The following RGS3 variants were observed in gnomAD, a reference collection of about 807,000 sequenced individuals.
The protein encoded by RGS3 is regulator of G protein signaling 3, also known as regulator of G-protein signalling 3.
In RGS3, 80 loss-of-function variants were observed where a neutral mutation model predicts 132.6. The observed-to-expected ratio is 0.60, with a 90% confidence interval of 0.50 to 0.73. The LOEUF is 0.73. Ranked by LOEUF, RGS3 falls within the 30% of genes least tolerant of loss-of-function variation. RGS3 has a pLI of 0.00. For missense variants in RGS3, 1,382 were observed against 1,530.8 expected (o/e 0.90, Z 1.62); for synonymous variants, 598 against 620.6 (o/e 0.96, Z 0.54).
chr9:113,493,994 C>A (rs1223270479), intron 7 of RGS3, among the ~76,000 whole-genome samples: 2 of 152,090 alleles, frequency 1.3e-5, no homozygotes, highest in Non-Finnish European at 2.9e-5. Flanking sequence ...CTATGTGGGT[C>A]CTTCAGCTAT....
intron 5 of RGS3, among the ~76,000 whole-genome samples, chr9:113,483,774 C>T (rs1003500371): frequency 6.6e-6 from 1 of 152,160 alleles, no homozygotes; most frequent in Non-Finnish European, 1.5e-5. Context: ...CTGGAGCCTT[C>T]GTGAAGGGAG....
At chr9:113,562,246 C>T (rs528957410) in intron 19 of RGS3, among the ~76,000 whole-genome samples, 10 of 152,254 alleles carry the variant, frequency 6.6e-5, no homozygotes, top group East Asian at 3.9e-4. Context: ...GAGGCTGAGA[C>T]GGGCAGATTG....
At chr9:113,556,546 G>T (rs1034050206) in intron 19 of RGS3, among the ~76,000 whole-genome samples, 4 of 152,118 alleles carry the variant, frequency 2.6e-5, no homozygotes. Flanking sequence ...ATACAAGGTC[G>T]CATAATTAGG....
At chr9:113,563,742 G>A (rs569162841) in intron 19 of RGS3, among the ~76,000 whole-genome samples, 2 of 152,188 alleles carry the variant, frequency 1.3e-5, no homozygotes, top group African/African-American at 4.8e-5. Context: ...ATTCTGAGTC[G>A]ACCCGATAAA....
At chr9:113,529,428 G>A in intron 18 of RGS3, among the ~76,000 whole-genome samples, 164 bp downstream of exon 16, 1 of 152,116 alleles carries the variant, frequency 6.6e-6, no homozygotes, top group East Asian at 1.9e-4. Flanking sequence ...AGGTAGAATG[G>A]GACTAGCCAT....
rs1039021031 is a variant in RGS3 at position 113,586,170 on chromosome 9, C to A, written c.3015+1743C>A. Among the ~76,000 whole-genome samples, 5 of 152,200 alleles carry A rather than the reference C, an allele frequency of 3.3e-5. 1 individual carries two copies. The highest frequency in any genetic ancestry group is 1.2e-4 in the African/African-American group (5 of 41,446). Reference sequence around the variant, plus strand: ...CTTGATGGTTTCTACAGGAGAGAGTCCGGAACGCTGTCCTTCCAAGGCAAG... The same window carrying A: ...CTTGATGGTTTCTACAGGAGAGAGTACGGAACGCTGTCCTTCCAAGGCAAG... On this transcript the variant is annotated intron_variant, in intron 20 of 24. Transcript: ENST00000350696.
chr9:113,595,285 C>T (rs939377988), intron 23 of RGS3, among the ~76,000 whole-genome samples: 3 of 152,212 alleles, frequency 2.0e-5, no homozygotes, highest in South Asian at 2.1e-4. Context: ...AGGGCTTTCA[C>T]GGCGCCAAAT....
chr9:113,494,847 C>T (rs1263690933), intron 7 of RGS3, among the ~76,000 whole-genome samples: 1 of 152,074 alleles, frequency 6.6e-6, no homozygotes, highest in Admixed American at 6.5e-5. Context: ...GGTGGACATT[C>T]TTCAGGAACT....
chr9:113,552,248 A>G (rs1313961036), intron 19 of RGS3, among the ~76,000 whole-genome samples: 1 of 152,140 alleles, frequency 6.6e-6, no homozygotes, highest in African/African-American at 2.4e-5. Context: ...CTTATGCATT[A>G]TATTAGGACA....
chr9:113,499,225 T>TG (rs1830787528), intron 10 of RGS3, among the ~76,000 whole-genome samples: 1 of 67,506 alleles, frequency 1.5e-5, no homozygotes, highest in African/African-American at 5.9e-5. Flanking sequence ...AGATTCCATC[T>TG]CAAAAAAAAA....
At chr9:113,584,183 G>A in exon 20 of RGS3, 1 of 1,614,226 alleles carries the variant, frequency 6.2e-7, no homozygotes, top group Non-Finnish European at 8.5e-7. Flanking sequence ...ACGGGCCAGG[G>A]GGCTGAGGGT....
chr9:113,550,542 G>C (rs756894031), intron 19 of RGS3, among the ~76,000 whole-genome samples: 8 of 152,108 alleles, frequency 5.3e-5, no homozygotes, highest in Non-Finnish European at 1.0e-4. Flanking sequence ...GAATTGACTA[G>C]CTCATCCTAC....
At chr9:113,525,071 T>C (rs7042968) in intron 17 of RGS3, among the ~76,000 whole-genome samples, 24,124 of 152,056 alleles carry the variant, frequency 0.16, 2,051 homozygotes, top group African/African-American at 0.2. Context: ...GCCAAGGCAG[T>C]ACTTCTCAGG....
At chr9:113,494,567 G>A (rs1424552957) in intron 7 of RGS3, among the ~76,000 whole-genome samples, 1 of 152,218 alleles carries the variant, frequency 6.6e-6, no homozygotes, top group East Asian at 1.9e-4. Flanking sequence ...GTTCACTGCA[G>A]CTTTGACCTC....
intron 18 of RGS3, among the ~76,000 whole-genome samples, chr9:113,532,977 T>G (rs1284778244): frequency 6.6e-6 from 1 of 152,190 alleles, no homozygotes; most frequent in Non-Finnish European, 1.5e-5. Context: ...GAGGGAGCAT[T>G]CCTGCCAGCC....
At chr9:113,499,376 G>A (rs551244292) in intron 10 of RGS3, among the ~76,000 whole-genome samples, 5 of 152,348 alleles carry the variant, frequency 3.3e-5, no homozygotes, top group Admixed American at 3.3e-4. Flanking sequence ...ATGGTTCAGA[G>A]CATTAGGCCC....
chr9:113,569,578 T>TTCC (rs1834175430), intron 19 of RGS3, among the ~76,000 whole-genome samples: 1 of 88,912 alleles, frequency 1.1e-5, no homozygotes, highest in African/African-American at 5.0e-5. Flanking sequence ...TCTTTCCTTC[T>TTCC]TTCCTTCCTT....
chr9:113,495,966 C>A, intron 8 of RGS3, 120 bp downstream of exon 6: 1 of 887,464 alleles, frequency 1.1e-6, no homozygotes. Context: ...CCCACTGAGA[C>A]AGGTGCCCTG....
At chr9:113,451,361 C>T (rs1019878432) in intron 1 of RGS3, among the ~76,000 whole-genome samples, 1 of 152,128 alleles carries the variant, frequency 6.6e-6, no homozygotes, top group Admixed American at 6.5e-5. Flanking sequence ...ATGCCATGAC[C>T]TTTGCCCCTG....
Sources: allele counts gnomAD v4.1 joint callset (sites outside exome capture counted in the v4.1 genomes callset), GRCh38; gene constraint gnomAD v4.1.1; transcripts MANE v1.5; gene names NCBI Gene and HGNC (gene_info 2026-07-23, HGNC 2026-07-21).